ITGB6: variants seen among roughly 807,000 people sequenced by gnomAD.
The protein encoded by ITGB6 is integrin subunit beta 6, also known as integrin beta-6.
Under a neutral mutation model 84.5 loss-of-function variants are expected in ITGB6, and 80 were observed. The observed-to-expected ratio is 0.95, with a 90% CI of 0.79 to 1.14. The LOEUF (loss-of-function observed/expected upper bound fraction) is 1.14. Among genes scored for constraint, ITGB6 ranks in the 50% most tolerant of loss-of-function variants. The pLI is 0.00. For synonymous variants in ITGB6, 383 were observed against 354.9 expected (o/e 1.08, Z -0.89); for missense variants, 1,006 against 968.0 (o/e 1.04, Z -0.52).
rs1326025469 is a variant in ITGB6 at position 160,112,078 on chromosome 2, A to C, written c.2101+2T>G. Reference sequence around the variant, plus strand: ...ATCGGCAATGGAAGGCAAAACACCCACCTTTTTCATTGATGCTGTGAATGA... The same window carrying C: ...ATCGGCAATGGAAGGCAAAACACCCCCCTTTTTCATTGATGCTGTGAATGA... On this transcript the variant is annotated splice_donor_variant, in intron 13 of 14. Transcript: ENST00000283249. LOFTEE classifies it high-confidence loss of function. The C allele has an allele frequency of 2.5e-6, 4 of 1,611,684 alleles. No individual in the cohort carries two copies. The African/African-American group carries it at 5.4e-5, about 22-fold the overall frequency.
chr2:160,111,708 T>C (rs1290583466), intron 13 of ITGB6, among the ~76,000 whole-genome samples: 1 of 150,036 alleles, frequency 6.7e-6, no homozygotes, highest in East Asian at 2.0e-4. Flanking sequence ...GCCTCCCAAG[T>C]AGCTGGGATT....
chr2:160,199,508 A>C (rs1190127937), intron 1 of ITGB6, among the ~76,000 whole-genome samples: 1 of 152,212 alleles, frequency 6.6e-6, no homozygotes, highest in Non-Finnish European at 1.5e-5. Flanking sequence ...CTTTTTTCTT[A>C]AAATGTGAAA....
chr2:160,104,614 C>T (rs1426549455), intron 14 of ITGB6, among the ~76,000 whole-genome samples: 1 of 152,132 alleles, frequency 6.6e-6, no homozygotes, highest in Non-Finnish European at 1.5e-5. Flanking sequence ...CCTTAATGAT[C>T]GCCCAACTGC....
chr2:160,177,746 A>AC (rs1158866170), intron 4 of ITGB6, among the ~76,000 whole-genome samples: 1 of 152,114 alleles, frequency 6.6e-6, no homozygotes, highest in Non-Finnish European at 1.5e-5. Context: ...AAGGAGCCTG[A>AC]TTTTTTTCAA....
At chr2:160,175,329 T>C (rs1483910651) in intron 4 of ITGB6, among the ~76,000 whole-genome samples, 2 of 152,206 alleles carry the variant, frequency 1.3e-5, no homozygotes, top group Non-Finnish European at 2.9e-5. Flanking sequence ...TATTTGTTAC[T>C]CCCTAATTAA....
rs1048796478 is a variant in ITGB6 at position 160,100,049 on chromosome 2, C to T, written c.*1687G>A. ...CAGGAACATAAAGGGTATATCAGCCCTTCGGATTTTCAAGGTGATTTTTCA... is the reference window on the plus strand; with the variant it reads ...CAGGAACATAAAGGGTATATCAGCCTTTCGGATTTTCAAGGTGATTTTTCA... On this transcript the variant is annotated 3_prime_UTR_variant, in exon 15 of 15. Coordinates refer to ENST00000283249, the MANE Select transcript of ITGB6 (RefSeq NM_000888.5). 6.6e-6 allele frequency: 1 copy of T among 152,158 alleles called. No individual in the cohort carries two copies. Among genetic ancestry groups the T allele is most frequent in the Admixed American group, 6.6e-5 (1 of 15,260 alleles). 9.4% of individuals were successfully genotyped at this position (152,158 alleles called of 1,614,324 possible). A position where few individuals can be genotyped will look rare whatever the true frequency, so the allele number is the denominator to read the frequency against.
intron 11 of ITGB6, among the ~76,000 whole-genome samples, chr2:160,125,863 G>T (rs764597747): frequency 6.6e-5 from 10 of 152,174 alleles, no homozygotes; most frequent in Non-Finnish European, 1.3e-4. Context: ...AGGCGCCAAA[G>T]AGCATGGGTG....
At position 160,115,855 on chromosome 2, in the gene ITGB6, C is replaced by T. The variant is rs571968681; in HGVS notation, c.1982-3656G>A. Reference sequence around the variant, plus strand: ...GCTGAAAGCCAAGGCTCGAGAACTACGTGAAGAATGCAGAAGCCTCAGGAA... The same window carrying T: ...GCTGAAAGCCAAGGCTCGAGAACTATGTGAAGAATGCAGAAGCCTCAGGAA... On this transcript the variant is annotated intron_variant, in intron 12 of 14. Transcript: ENST00000283249. Among the ~76,000 whole-genome samples the T allele has an allele frequency of 5.3e-5, 8 of 151,972 alleles. No homozygotes were observed. In the East Asian group the frequency reaches 5.8e-4, roughly 11 times the overall value.
intron 7 of ITGB6, among the ~76,000 whole-genome samples, chr2:160,159,722 C>T (rs1005620429): frequency 1.3e-5 from 2 of 152,184 alleles, no homozygotes; most frequent in African/African-American, 2.4e-5. Context: ...ACTCCTCAGC[C>T]TTCAGCTCGC....
intron 7 of ITGB6, among the ~76,000 whole-genome samples, chr2:160,160,095 A>G (rs1684762579): frequency 6.6e-6 from 1 of 152,218 alleles, no homozygotes; most frequent in Admixed American, 6.5e-5. Flanking sequence ...TTTTGTAAAT[A>G]ACTATGCTCA....
rs556568508 is a variant in ITGB6, at chr2:160,117,211, A to AT, written c.1982-5013dup. Among the ~76,000 whole-genome samples, 1,320 of 152,232 alleles carry AT rather than the reference A, an allele frequency of 8.7e-3. 16 individuals carry two copies. The highest frequency in any genetic ancestry group is 0.03 in the African/African-American group (1,249 of 41,508). ...TCCACCCCAAATCAACAGAATATAC[A>AT]TTTTTTTCAGCACCACACCACACCT... is the stretch of plus-strand genomic sequence containing the variant. On this transcript the variant is annotated intron_variant, in intron 12 of 14. Transcript: ENST00000283249.
intron 10 of ITGB6, among the ~76,000 whole-genome samples, chr2:160,133,551 A>C (rs892396499): frequency 1.3e-5 from 2 of 152,206 alleles, no homozygotes; most frequent in Non-Finnish European, 2.9e-5. Flanking sequence ...TGCACCAAGC[A>C]GACCTAATAG....
intron 7 of ITGB6, among the ~76,000 whole-genome samples, chr2:160,165,108 TC>T (rs1179066817): frequency 2.0e-5 from 3 of 152,230 alleles, no homozygotes; most frequent in African/African-American, 7.2e-5. Context: ...TGTCTCATAA[TC>T]CAGAAGTGGT....
chr2:160,166,813 A>G (rs1398729076), intron 7 of ITGB6, among the ~76,000 whole-genome samples: 1 of 152,134 alleles, frequency 6.6e-6, no homozygotes, highest in African/African-American at 2.4e-5. Context: ...ACTGAAGCAA[A>G]ACTGCTTACT....
chr2:160,193,970 A>G (rs1686237833), intron 4 of ITGB6, among the ~76,000 whole-genome samples: 1 of 152,246 alleles, frequency 6.6e-6, no homozygotes, highest in Non-Finnish European at 1.5e-5. Flanking sequence ...CAGCCTGGCC[A>G]ACATAGCGAA....
intron 4 of ITGB6, among the ~76,000 whole-genome samples, chr2:160,192,981 C>A (rs977047377): frequency 1.3e-5 from 2 of 152,076 alleles, no homozygotes; most frequent in South Asian, 2.1e-4. Flanking sequence ...TAAAAACTGA[C>A]AACATCAAGT....
intron 7 of ITGB6, among the ~76,000 whole-genome samples, chr2:160,165,796 T>C (rs1201722116): frequency 6.6e-6 from 1 of 152,182 alleles, no homozygotes; most frequent in East Asian, 1.9e-4. Context: ...CTGAGACTGA[T>C]GGCAGAGTGT....
At chr2:160,183,087 A>G (rs545869151) in intron 4 of ITGB6, among the ~76,000 whole-genome samples, 62 of 152,300 alleles carry the variant, frequency 4.1e-4, no homozygotes, top group Non-Finnish European at 7.1e-4. Context: ...GCATCAACTA[A>G]CAGGCAAAAT....
chr2:160,116,189 C>A (rs1218328291), intron 12 of ITGB6, among the ~76,000 whole-genome samples: 1 of 151,652 alleles, frequency 6.6e-6, no homozygotes, highest in Admixed American at 6.6e-5. Context: ...TCGAGAAGAG[C>A]AACTCCAAGA....
Sources: allele counts gnomAD v4.1 joint callset (sites outside exome capture counted in the v4.1 genomes callset), GRCh38; gene constraint gnomAD v4.1.1; transcripts MANE v1.5; gene names NCBI Gene and HGNC (gene_info 2026-07-23, HGNC 2026-07-21).